The following DMD variants were observed in gnomAD, a reference collection of about 807,000 sequenced individuals.
DMD encodes the protein mutant dystrophin.
Under a neutral mutation model 330.1 loss-of-function variants are expected in DMD, and 63 were observed. That is an observed-to-expected ratio of 0.19 (90% CI 0.16 to 0.24). DMD has a LOEUF of 0.24. Ranked by LOEUF, DMD falls within the 10% of genes least tolerant of loss-of-function variation. DMD has a pLI of 1.00. For synonymous variants in DMD, 1,223 were observed against 959.8 expected (o/e 1.27, Z -5.07); for missense variants, 3,344 against 2,684.1 (o/e 1.25, Z -5.43).
At chrX:31,698,964 AGCC>A (rs1395573741) in intron 52 of DMD, among the ~76,000 whole-genome samples, 11 of 112,100 alleles carry the variant, frequency 9.8e-5, no homozygotes, top group Non-Finnish European at 1.9e-4. Flanking sequence ...TTATAATATT[AGCC>A]TAACATTTAA....
chrX:32,962,962 T>C (rs1389318949), intron 2 of DMD, among the ~76,000 whole-genome samples: 1 of 92,335 alleles, frequency 1.1e-5, no homozygotes, highest in East Asian at 3.4e-4. Flanking sequence ...TAACTGTCCT[T>C]CATGGATCTA....
At chrX:33,178,770 A>G (rs760417400) in intron 1 of DMD, among the ~76,000 whole-genome samples, 118 of 112,516 alleles carry the variant, frequency 1.0e-3, no homozygotes, top group African/African-American at 3.5e-3. Context: ...AATGAAAAGC[A>G]TCATGCAACT....
chrX:32,392,779 A>G (rs2147661774), intron 30 of DMD, among the ~76,000 whole-genome samples: 1 of 112,757 alleles, frequency 8.9e-6, no homozygotes, highest in Non-Finnish European at 1.9e-5. Flanking sequence ...TAGAACAGTC[A>G]TTCTTAGGGT....
At chrX:31,392,952 A>G (rs185421947) in intron 60 of DMD, among the ~76,000 whole-genome samples, 16 of 112,115 alleles carry the variant, frequency 1.4e-4, no homozygotes, top group Admixed American at 7.6e-4. Context: ...AAAGGTTAGG[A>G]AAGTTTCCAG....
intron 34 of DMD, among the ~76,000 whole-genome samples, chrX:32,378,394 T>A (rs2147438706): frequency 9.1e-6 from 1 of 109,600 alleles, no homozygotes; most frequent in Non-Finnish European, 1.9e-5. Context: ...CACTAAATAA[T>A]TTTTCTGGAA....
chrX:31,363,052 T>C (rs2059027432), intron 60 of DMD, among the ~76,000 whole-genome samples: 1 of 112,624 alleles, frequency 8.9e-6, no homozygotes, highest in African/African-American at 3.2e-5. Context: ...AAACTCATAC[T>C]TTTGACTTAC....
chrX:33,181,154 A>C (rs751537766), intron 1 of DMD, among the ~76,000 whole-genome samples: 1 of 111,360 alleles, frequency 9.0e-6, no homozygotes, highest in Admixed American at 9.6e-5. Context: ...AATTAATCCA[A>C]TTATTGAAAG....
chrX:32,022,060 A>G, intron 44 of DMD, among the ~76,000 whole-genome samples: 1 of 112,062 alleles, frequency 8.9e-6, no homozygotes, highest in East Asian at 2.8e-4. Flanking sequence ...ATTTTTTTTA[A>G]AGTAGTAGGT....
chrX:33,206,324 A>C (rs1287136512), intron 1 of DMD, among the ~76,000 whole-genome samples: 3 of 111,892 alleles, frequency 2.7e-5, no homozygotes, highest in African/African-American at 9.7e-5. Context: ...ACTGAGTTAA[A>C]AATTCTGAAA....
chrX:31,366,511 T>TAAAAAAAA (rs2059265579), intron 60 of DMD, among the ~76,000 whole-genome samples: 1 of 37,306 alleles, frequency 2.7e-5, no homozygotes, highest in African/African-American at 1.1e-4. Context: ...AAAAAAAAAA[T>TAAAAAAAA]AAATAAATAA....
At chrX:32,293,588 A>G (rs766918615) in intron 42 of DMD, among the ~76,000 whole-genome samples, 2 of 112,140 alleles carry the variant, frequency 1.8e-5, no homozygotes, top group East Asian at 2.8e-4. Context: ...TTTTGCTGTC[A>G]TCATCTTTCA....
intron 44 of DMD, among the ~76,000 whole-genome samples, chrX:31,994,154 T>C (rs2095568979): frequency 8.9e-6 from 1 of 111,821 alleles, no homozygotes; most frequent in African/African-American, 3.3e-5. Flanking sequence ...CTGGCACCTT[T>C]AAATCTCTGA....
chrX:32,921,586 G>C (rs753381968), intron 2 of DMD, among the ~76,000 whole-genome samples: 1 of 111,599 alleles, frequency 9.0e-6, no homozygotes, highest in Non-Finnish European at 1.9e-5. Flanking sequence ...ATATCTGAAA[G>C]AATACACAGA....
chrX:32,118,098 CAAA>C (rs897233787), intron 44 of DMD, among the ~76,000 whole-genome samples: 12 of 111,670 alleles, frequency 1.1e-4, no homozygotes, highest in African/African-American at 3.3e-4. Context: ...CTCCTACATT[CAAA>C]GGTTTCCAAT....
chrX:32,454,534 T>A (rs1226270260), intron 26 of DMD, 128 bp downstream of exon 26: 1 of 519,961 alleles, frequency 1.9e-6, no homozygotes, highest in East Asian at 3.7e-5. Flanking sequence ...AAATTATTAA[T>A]TAAAAATCAA....
intron 7 of DMD, among the ~76,000 whole-genome samples, chrX:32,765,673 A>AT (rs200617838): frequency 0.023 from 2,515 of 111,717 alleles, 77 homozygotes; most frequent in African/African-American, 0.078. Context: ...TTTCACTCTG[A>AT]TGGTGTTCAT....
intron 78 of DMD, among the ~76,000 whole-genome samples, chrX:31,122,189 A>C (rs1024192878): frequency 1.8e-5 from 2 of 111,967 alleles, no homozygotes; most frequent in East Asian, 2.8e-4. Flanking sequence ...TACATGGAAA[A>C]ATGTCAAGCT....
chrX:31,156,226 C>T (rs747408171), intron 74 of DMD, among the ~76,000 whole-genome samples: 1 of 111,739 alleles, frequency 8.9e-6, no homozygotes, highest in East Asian at 2.8e-4. Flanking sequence ...CCCTTTAAAA[C>T]ATTCAGAGCC....
At chrX:31,166,340 A>C (rs2039415376) in intron 74 of DMD, among the ~76,000 whole-genome samples, 1 of 111,385 alleles carries the variant, frequency 9.0e-6, no homozygotes. Flanking sequence ...GAATTTAATA[A>C]ATATCTAGTC....
Sources: allele counts gnomAD v4.1 joint callset (sites outside exome capture counted in the v4.1 genomes callset), GRCh38; gene constraint gnomAD v4.1.1; transcripts MANE v1.5; gene names NCBI Gene and HGNC (gene_info 2026-07-23, HGNC 2026-07-21).